The following DNAJA3 variants were observed in gnomAD, a reference collection of about 807,000 sequenced individuals.
DNAJA3 encodes dnaJ homolog subfamily A member 3, mitochondrial.
In DNAJA3, 29 loss-of-function variants were observed where a neutral mutation model predicts 54.9. The observed-to-expected ratio is 0.53, with a 90% confidence interval of 0.39 to 0.72. The LOEUF (loss-of-function observed/expected upper bound fraction) is 0.72, where lower values mean the gene tolerates loss of function less well. Among genes scored for constraint, DNAJA3 ranks in the 30% least tolerant of loss-of-function variants. The pLI is 0.00. For missense variants in DNAJA3, 708 were observed against 639.4 expected (o/e 1.11, Z -1.16); for synonymous variants, 302 against 251.4 (o/e 1.20, Z -1.90).
chr16:4,430,795 G>C (rs1435013594), intron 1 of DNAJA3: 3 of 151,902 alleles, frequency 2.0e-5, no homozygotes, highest in Admixed American at 2.0e-4. Flanking sequence ...TGTAACCCCA[G>C]CACTTTGGTA....
rs961812947 is a variant in DNAJA3 at position 4,442,366 on chromosome 16, G to A, written c.729G>A (p.Gly243=). The change falls in exon 5 of 12, where the codon GGG becomes GGA. Residue 243 remains glycine, a synonymous_variant. Coordinates refer to ENST00000262375, the MANE Select transcript of DNAJA3 (RefSeq NM_005147.6). The part of the protein sequence containing the change: ...MDTCERCNGK[G]NEPGTKVQHC... ...CGTGTGAGCGCTGCAACGGCAAGGGGAACGAGCCCGGCACCAAGGTGCAGC... is the reference window on the plus strand; with the variant it reads ...CGTGTGAGCGCTGCAACGGCAAGGGAAACGAGCCCGGCACCAAGGTGCAGC... 12 of 1,609,686 alleles carry A rather than the reference G, an allele frequency of 7.5e-6. No individual in the cohort carries two copies. The highest frequency in any genetic ancestry group is 1.0e-5 in the Non-Finnish European group (12 of 1,177,940).
chr16:4,433,450 TGGAGACGG>T (rs986284625), intron 1 of DNAJA3: 116 of 152,332 alleles, frequency 7.6e-4, no homozygotes, highest in African/African-American at 2.7e-3. Context: ...TGGCAATGCC[TGGAGACGG>T]GGAGTTCTCT....
At chr16:4,434,185 G>T in intron 1 of DNAJA3, 199 bp from the exon 2 acceptor site, 1 of 574,742 alleles carries the variant, frequency 1.7e-6, no homozygotes, top group South Asian at 2.2e-5. Context: ...CTGTGATTCA[G>T]TTACCTCCCA....
intron 7 of DNAJA3, among the ~76,000 whole-genome samples, chr16:4,445,334 G>A (rs2056890535): frequency 6.6e-6 from 1 of 152,226 alleles, no homozygotes; most frequent in Non-Finnish European, 1.5e-5. Context: ...AGGCGTTGCA[G>A]GTACAGACAG....
chr16:4,452,454 C>T (rs1005545908), intron 10 of DNAJA3, among the ~76,000 whole-genome samples: 2 of 152,108 alleles, frequency 1.3e-5, no homozygotes, highest in Non-Finnish European at 2.9e-5. Flanking sequence ...TTTTGACCCT[C>T]TCTCTGATAC....
chr16:4,456,387 G>A lies in DNAJA3; in HGVS notation c.*855G>A, dbSNP rs2057035980. ...AGCCCTGCCACTGTTGCTAGTCAGG[G>A]GCTTGGTTCTCCCACTTACACTGTT... On this transcript the variant is annotated 3_prime_UTR_variant, in exon 12 of 12. Coordinates refer to ENST00000262375, the MANE Select transcript of DNAJA3 (RefSeq NM_005147.6). 2 of 152,420 alleles carry A rather than the reference G, an allele frequency of 1.3e-5. No homozygotes were observed. Among genetic ancestry groups the A allele is most frequent in the Non-Finnish European group, 2.9e-5 (2 of 68,048 alleles). 9.4% of individuals were successfully genotyped at this position (152,420 alleles called of 1,614,324 possible). A position where few individuals can be genotyped will look rare whatever the true frequency, so the allele number is the denominator to read the frequency against.
chr16:4,439,097 G>A (rs922344470), intron 3 of DNAJA3, among the ~76,000 whole-genome samples: 2 of 151,124 alleles, frequency 1.3e-5, no homozygotes, highest in African/African-American at 4.9e-5. Context: ...TATAATCCCA[G>A]CACTTTGGGA....
rs146234364 is a variant in DNAJA3 at position 4,434,457 on chromosome 16, T to C, written c.285T>C (p.Tyr95=). 268 of 1,614,094 alleles carry C rather than the reference T, an allele frequency of 1.7e-4. No individual in the cohort carries two copies. In the African/African-American group the frequency reaches 2.9e-3, roughly 17 times the overall value. The change falls in exon 2 of 12, where the codon TAT becomes TAC. Residue 95 remains tyrosine, a synonymous_variant. Coordinates refer to ENST00000262375, the MANE Select transcript of DNAJA3 (RefSeq NM_005147.6). ...CCCCTTTGGCCAAAGAAGATTATTA[T>C]CAGATATTAGGAGTGCCTCGAAATG... is the stretch of plus-strand genomic sequence containing the variant. ...TSAPLAKEDY[Y]QILGVPRNAS...
In DNAJA3 at chr16:4,445,091, CATT is replaced by C. The variant is rs577547300; in HGVS notation, c.996+365_996+367del. 1.7e-3 allele frequency among the ~76,000 whole-genome samples: 258 copies of C among 152,314 alleles called. 2 individuals are homozygous for C. The highest frequency in any genetic ancestry group is 6.0e-3 in the African/African-American group (251 of 41,570). ...CCTTGGTTTTCTGAGATGGTGGAAA[CATT>C]AATGAAGACAATGCCTTCTACTGGC... On this transcript the variant is annotated intron_variant, in intron 7 of 11. Coordinates refer to ENST00000262375, the MANE Select transcript of DNAJA3 (RefSeq NM_005147.6).
Position 4,437,499 on chromosome 16 carries a change from G to C in DNAJA3, c.429+14G>C, listed in dbSNP as rs755179467. ...GAAGCCTATGAGGTAATATGACTTC[G>C]GTGCATGCGGTCACTGCTGTTCAGC... is the stretch of plus-strand genomic sequence containing the variant. On this transcript the variant is annotated intron_variant, in intron 3 of 11. Transcript: ENST00000262375. 6 of 1,606,778 alleles carry C rather than the reference G, an allele frequency of 3.7e-6. No individual in the cohort carries two copies. Among genetic ancestry groups the C allele is most frequent in the Non-Finnish European group, 5.1e-6 (6 of 1,173,722 alleles).
rs745336366 is a variant in DNAJA3 at position 4,441,588 on chromosome 16, C to T, written c.630+13C>T. ...TCAGCCTCAGGAAGTAAGTTCCTCACTTGGAAGAATTATTCAAATTTTAGA... is the reference window on the plus strand; with the variant it reads ...TCAGCCTCAGGAAGTAAGTTCCTCATTTGGAAGAATTATTCAAATTTTAGA... On this transcript the variant is annotated intron_variant, in intron 4 of 11. Coordinates refer to ENST00000262375, the MANE Select transcript of DNAJA3 (RefSeq NM_005147.6). 3 of 1,611,368 alleles carry T rather than the reference C, an allele frequency of 1.9e-6. No individual in the cohort carries two copies. The highest frequency in any genetic ancestry group is 3.4e-5 in the Admixed American group (2 of 59,462).
rs1025872889 is a variant in DNAJA3 at position 4,426,038 on chromosome 16, A to T, written c.157A>T (p.Thr53Ser). 16 of 1,605,864 alleles carry T rather than the reference A, an allele frequency of 1.0e-5. No homozygotes were observed. The highest frequency in any genetic ancestry group is 4.1e-5 in the African/African-American group (3 of 73,786). The change falls in exon 1 of 12, where the codon ACC becomes TCC. Residue 53 changes from threonine (T) to serine (S), a missense_variant. Physicochemically the swap from Thr to Ser is moderately conservative, Grantham distance 58 (BLOSUM62 1). Coordinates refer to ENST00000262375, the MANE Select transcript of DNAJA3 (RefSeq NM_005147.6). ...LSVPAFASSLTSCGPRALLTL... is the reference protein window; with the variant it reads ...LSVPAFASSLSSCGPRALLTL... ...CGTCCCCGCCTTTGCGTCTTCCCTG[A>T]CCTCTTGCGGCCCCCGAGCGCTGCT...
chr16:4,442,445 C>T, intron 5 of DNAJA3, 25 bp downstream of exon 5: 3 of 1,556,184 alleles, frequency 1.9e-6, no homozygotes, highest in Non-Finnish European at 2.6e-6. Flanking sequence ...GAGACTCCAC[C>T]TCCCACGGCT....
chr16:4,448,909 G>A (rs2056941356), intron 9 of DNAJA3, 61 bp downstream of exon 9: 3 of 1,310,962 alleles, frequency 2.3e-6, no homozygotes, highest in Admixed American at 1.8e-5. Flanking sequence ...TGCCCTTGGA[G>A]CTCTGTGGCT....
intron 3 of DNAJA3, among the ~76,000 whole-genome samples, chr16:4,438,619 T>G (rs1456286369): frequency 6.6e-6 from 1 of 150,446 alleles, no homozygotes; most frequent in Non-Finnish European, 1.5e-5. Flanking sequence ...TTTCCCAGAT[T>G]TTTTGACAAT....
chr16:4,427,955 ATT>A (rs913465631), intron 1 of DNAJA3, among the ~76,000 whole-genome samples: 1 of 145,274 alleles, frequency 6.9e-6, no homozygotes, highest in African/African-American at 2.5e-5. Flanking sequence ...AACAGAATGA[ATT>A]TTTTTTTTTT....
At chr16:4,454,984 G>GT (rs2057019091) in intron 11 of DNAJA3, 57 bp downstream of exon 11, 10 of 1,229,240 alleles carry the variant, frequency 8.1e-6, no homozygotes, top group Non-Finnish European at 1.2e-5. Context: ...ACTAATCCTG[G>GT]TTTTCTCCCA....
At chr16:4,429,605 C>T (rs908346965) in intron 1 of DNAJA3, among the ~76,000 whole-genome samples, 3 of 152,088 alleles carry the variant, frequency 2.0e-5, no homozygotes, top group South Asian at 2.1e-4. Flanking sequence ...GAGGCCTATG[C>T]GGGCGGATCA....
rs752720100 is a variant in DNAJA3 at position 4,450,365 on chromosome 16, G to A, written c.1242-35G>A. 1.5e-5 allele frequency: 24 copies of A among 1,549,046 alleles called. No homozygotes were observed. The Admixed American group carries it at 2.7e-4, about 17-fold the overall frequency. ...TGAGTTCTTTCCAAAGCTTCCCGGCGGAAGCCTTGGCTGCTGACTCTGCTC... is the reference window on the plus strand; with the variant it reads ...TGAGTTCTTTCCAAAGCTTCCCGGCAGAAGCCTTGGCTGCTGACTCTGCTC... On this transcript the variant is annotated intron_variant, in intron 9 of 11. Coordinates refer to ENST00000262375, the MANE Select transcript of DNAJA3 (RefSeq NM_005147.6).
Sources: allele counts gnomAD v4.1 joint callset (sites outside exome capture counted in the v4.1 genomes callset), GRCh38; gene constraint gnomAD v4.1.1; transcripts MANE v1.5; gene names NCBI Gene and HGNC (gene_info 2026-07-23, HGNC 2026-07-21).